RAI14: variants seen among roughly 807,000 people sequenced by gnomAD.
RAI14 encodes retinoic acid induced 14.
In RAI14, 45 loss-of-function variants were observed where a neutral mutation model predicts 115.4. The observed-to-expected ratio is 0.39, with a 90% CI of 0.31 to 0.50. RAI14 has a LOEUF of 0.50. Among genes scored for constraint, RAI14 ranks in the 20% least tolerant of loss-of-function variants. RAI14 has a pLI of 0.85. For missense variants in RAI14, 939 were observed against 1,131.2 expected, an observed-to-expected ratio of 0.83 and a Z score of 2.44; for synonymous variants, 371 against 415.4, an observed-to-expected ratio of 0.89 and a Z score of 1.30.
At chr5:34,820,951 C>T (rs2150290961) in intron 13 of RAI14, among the ~76,000 whole-genome samples, 1 of 152,208 alleles carries the variant, frequency 6.6e-6, no homozygotes, top group East Asian at 1.9e-4. Flanking sequence ...TAAGAATTCT[C>T]TAGGCAGAGA....
At chr5:34,798,096 C>A (rs961705964) in intron 4 of RAI14, among the ~76,000 whole-genome samples, 12 of 152,160 alleles carry the variant, frequency 7.9e-5, no homozygotes, top group Non-Finnish European at 1.8e-4. Flanking sequence ...AGTGCACTGG[C>A]ACGATCTCTG....
At chr5:34,715,836 C>T (rs896754682) in intron 2 of RAI14, among the ~76,000 whole-genome samples, 2 of 152,028 alleles carry the variant, frequency 1.3e-5, no homozygotes, top group African/African-American at 2.4e-5. Context: ...GTAAAACTGT[C>T]GAATGAATGA....
intron 2 of RAI14, among the ~76,000 whole-genome samples, chr5:34,745,125 T>C (rs911895482): frequency 3.3e-5 from 5 of 152,206 alleles, no homozygotes; most frequent in African/African-American, 9.7e-5. Flanking sequence ...AAGGTTACAT[T>C]CTGTGGTACT....
At chr5:34,765,682 A>G (rs941574150) in intron 3 of RAI14, among the ~76,000 whole-genome samples, 4 of 152,258 alleles carry the variant, frequency 2.6e-5, no homozygotes, top group Admixed American at 6.5e-5. Flanking sequence ...TGACTATTAG[A>G]TAGAAAAGAA....
In RAI14 at chr5:34,827,801, G is replaced by A. The variant is rs1757599503; in HGVS notation, c.2799+1322G>A. Among the ~76,000 whole-genome samples the A allele has an allele frequency of 6.6e-6, 1 of 152,118 alleles. No individual in the cohort carries two copies. Among genetic ancestry groups the A allele is most frequent in the South Asian group, 2.1e-4 (1 of 4,820 alleles). On this transcript the variant is annotated intron_variant, in intron 16 of 17. Coordinates refer to ENST00000265109, the MANE Select transcript of RAI14 (RefSeq NM_015577.3). The surrounding 1 kb of genome is among the most constrained non-coding windows in gnomAD (Gnocchi z 4.2). ...AGCTCTTACATCAGTATTATACATG[G>A]GGCTGATGATATAAAATGAGTAAGA...
chr5:34,812,660 C>T (rs559244613), intron 10 of RAI14, among the ~76,000 whole-genome samples: 24 of 147,274 alleles, frequency 1.6e-4, no homozygotes, highest in Non-Finnish European at 2.3e-4. Context: ...AGTGAAACTC[C>T]GTCTCAAAAA....
Position 34,681,757 on chromosome 5 carries a change from C to T in RAI14, c.-48-5115C>T, listed in dbSNP as rs564782344. ...CAAGCAGTCTTTCCACCTCAGCCTC[C>T]CAAAATGTTGGGATTACAGATGTGA... On this transcript the variant is annotated intron_variant, in intron 1 of 17. Coordinates refer to ENST00000265109, the MANE Select transcript of RAI14 (RefSeq NM_015577.3). 4.5e-3 allele frequency among the ~76,000 whole-genome samples: 677 copies of T among 152,094 alleles called. 9 individuals are homozygous for T. Among genetic ancestry groups the T allele is most frequent in the African/African-American group, 0.016 (645 of 41,480 alleles).
At position 34,791,851 on chromosome 5, in the gene RAI14, GA is replaced by G. The variant is rs1218478293; in HGVS notation, c.168-4086del. Among the ~76,000 whole-genome samples the G allele has an allele frequency of 6.6e-6, 1 of 152,222 alleles. No individual in the cohort carries two copies. Among genetic ancestry groups the G allele is most frequent in the East Asian group, 1.9e-4 (1 of 5,192 alleles). ...CTGCAAAGCTGTGGCCTTCACAGAG[GA>G]AGACAGCCACTGCCGAGGTATGGCT... On this transcript the variant is annotated intron_variant, in intron 3 of 17. Coordinates refer to ENST00000265109, the MANE Select transcript of RAI14 (RefSeq NM_015577.3). This position sits in a 1 kb window ranked among gnomAD's most constrained non-coding sequence, Gnocchi z 5.4.
intron 7 of RAI14, among the ~76,000 whole-genome samples, chr5:34,808,864 T>G (rs1280668808): frequency 6.6e-6 from 1 of 152,122 alleles, no homozygotes; most frequent in Non-Finnish European, 1.5e-5. Context: ...GGCATTGGAG[T>G]GCACAACCTA....
intron 2 of RAI14, among the ~76,000 whole-genome samples, chr5:34,708,288 T>C (rs1740966021): frequency 6.6e-6 from 1 of 151,738 alleles, no homozygotes; most frequent in African/African-American, 2.4e-5. Flanking sequence ...CTGCAACCTC[T>C]GCCTCCCGCG....
In RAI14 at chr5:34,831,035, G is replaced by C. The variant is rs1757984881; in HGVS notation, c.*270G>C. 2.1e-6 allele frequency: 1 copy of C among 469,098 alleles called. No homozygotes were observed. The highest frequency in any genetic ancestry group is 5.2e-5 in the East Asian group (1 of 19,080). 29.1% of individuals were successfully genotyped at this position (469,098 alleles called of 1,614,324 possible). ...CAGCCATGCCCAGAGGTCTGGTCCT[G>C]ATGCTGGCAGGGGGGCCCCCTCCTC... is the stretch of plus-strand genomic sequence containing the variant. On this transcript the variant is annotated 3_prime_UTR_variant, in exon 18 of 18. Coordinates refer to ENST00000265109, the MANE Select transcript of RAI14 (RefSeq NM_015577.3).
In RAI14 at chr5:34,830,827, T is replaced by C. The variant is rs1757967152; in HGVS notation, c.*62T>C. 6.2e-7 allele frequency: 1 copy of C among 1,605,486 alleles called. No homozygotes were observed. Among genetic ancestry groups the C allele is most frequent in the Admixed American group, 1.7e-5 (1 of 59,610 alleles). ...TGTCTTTGTGTTAGATCCAGAGTTG[T>C]CGGCAGCCGCTGCCATTGTTCTCAT... On this transcript the variant is annotated 3_prime_UTR_variant, in exon 18 of 18. Coordinates refer to ENST00000265109, the MANE Select transcript of RAI14 (RefSeq NM_015577.3).
intron 2 of RAI14, among the ~76,000 whole-genome samples, chr5:34,739,509 A>C (rs1745239144): frequency 1.3e-5 from 2 of 152,238 alleles, no homozygotes; most frequent in Admixed American, 6.5e-5. Context: ...AGAGGTGTCA[A>C]GATGAAACTG....
intron 1 of RAI14, among the ~76,000 whole-genome samples, chr5:34,661,306 A>G (rs1187379623): frequency 6.6e-6 from 1 of 152,150 alleles, no homozygotes; most frequent in Non-Finnish European, 1.5e-5. Context: ...ATTCTGTACT[A>G]GATTATGAGC....
chr5:34,823,307 C>T lies in RAI14; in HGVS notation c.1465C>T (p.Gln489Ter). ...SDLSQKLKET[Q>*]SKYEEAMKEV... Reference sequence around the variant, plus strand: ...CCTCAGCCAGAAACTTAAAGAAACTCAGAGCAAATACGAGGAGGCTATGAA... The same window carrying T: ...CCTCAGCCAGAAACTTAAAGAAACTTAGAGCAAATACGAGGAGGCTATGAA... The change falls in exon 15 of 18, where the codon CAG becomes TAG. Residue 489 changes from glutamine (Q) to a stop codon, truncating the protein, a stop_gained. Transcript: ENST00000265109. LOFTEE classifies it high-confidence loss of function. This position sits in a 1 kb window ranked among gnomAD's most constrained non-coding sequence, Gnocchi z 4.5. The T allele has an allele frequency of 6.2e-7, 1 of 1,614,000 alleles. No homozygotes were observed. The highest frequency in any genetic ancestry group is 8.5e-7 in the Non-Finnish European group (1 of 1,180,014).
At chr5:34,706,915 C>G (rs777314944) in intron 2 of RAI14, among the ~76,000 whole-genome samples, 1 of 152,142 alleles carries the variant, frequency 6.6e-6, no homozygotes, top group Non-Finnish European at 1.5e-5. Context: ...TGAGTCAAGA[C>G]CATCAAAACT....
In RAI14 at chr5:34,830,884, C is replaced by T; in HGVS notation, c.*119C>T. ...TATGCACTGTGGCCTAGCGTAGCTT[C>T]TTCCCTTTCCAAAGGTTTCTGAGGA... On this transcript the variant is annotated 3_prime_UTR_variant, in exon 18 of 18. Coordinates refer to ENST00000265109, the MANE Select transcript of RAI14 (RefSeq NM_015577.3). 6.7e-7 allele frequency: 1 copy of T among 1,495,264 alleles called. No homozygotes were observed. The highest frequency in any genetic ancestry group is 1.8e-4 in the Middle Eastern group (1 of 5,550). The allele number at this position is 1,495,264 out of a possible 1,614,324, so 92.6% of individuals were successfully genotyped here. A position where few individuals can be genotyped will look rare whatever the true frequency, so the allele number is the denominator to read the frequency against.
chr5:34,753,859 A>G (rs923917297), intron 2 of RAI14, among the ~76,000 whole-genome samples: 10 of 150,184 alleles, frequency 6.7e-5, no homozygotes, highest in Non-Finnish European at 1.0e-4. Flanking sequence ...GGTTGCAGTG[A>G]GCTGAGATTG....
chr5:34,813,529 A>T (rs1755841035), intron 10 of RAI14, 45 bp from the exon 11 acceptor site: 1 of 1,452,254 alleles, frequency 6.9e-7, no homozygotes, highest in Non-Finnish European at 9.6e-7. Context: ...GACTTTACTA[A>T]CCAAACTAAC....
Sources: allele counts gnomAD v4.1 joint callset (sites outside exome capture counted in the v4.1 genomes callset), GRCh38; gene constraint gnomAD v4.1.1; non-coding constraint Gnocchi (gnomAD v3.1); transcripts MANE v1.5; gene names NCBI Gene and HGNC (gene_info 2026-07-23, HGNC 2026-07-21).